The following COL10A1 variants were observed in gnomAD, a reference collection of about 807,000 sequenced individuals.
The protein encoded by COL10A1 is collagen alpha-1(X) chain.
In COL10A1, 10 loss-of-function variants were observed where a neutral mutation model predicts 18.2. That is an observed-to-expected ratio of 0.55 (90% CI 0.34 to 0.93). COL10A1 has a LOEUF of 0.93. COL10A1 is among the 40% of genes least tolerant of loss of function. COL10A1 has a pLI of 0.02. For missense variants in COL10A1, 897 were observed against 853.5 expected, an observed-to-expected ratio of 1.05 and a Z score of -0.64; for synonymous variants, 330 against 316.6, an observed-to-expected ratio of 1.04 and a Z score of -0.45.
chr6:116,140,849 A>G (rs548391821), intron 1 of COL10A1, among the ~76,000 whole-genome samples: 12 of 152,230 alleles, frequency 7.9e-5, no homozygotes, highest in Admixed American at 3.9e-4. Flanking sequence ...GTAGTTTACA[A>G]TGGTGTGAGT....
chr6:116,158,531 C>T (rs923470308), intron 1 of COL10A1: 8 of 152,190 alleles, frequency 5.3e-5, no homozygotes, highest in African/African-American at 1.9e-4. Flanking sequence ...TAAATAGTCA[C>T]AGCCAGTATT....
intron 2 of COL10A1, among the ~76,000 whole-genome samples, chr6:116,122,627 G>C (rs1779165493): frequency 6.6e-6 from 1 of 152,132 alleles, no homozygotes; most frequent in Non-Finnish European, 1.5e-5. Context: ...GAGTTCACTT[G>C]ACCTGATAAA....
chr6:116,163,577 G>T (rs1780396040), upstream of COL10A1, among the ~76,000 whole-genome samples: 1 of 151,622 alleles, frequency 6.6e-6, no homozygotes, highest in African/African-American at 2.4e-5. Flanking sequence ...CCAACTTTTG[G>T]CTTTGTTGAT....
chr6:116,167,379 A>G, the COL10A1 span, among the ~76,000 whole-genome samples: 1 of 151,746 alleles, frequency 6.6e-6, no homozygotes, highest in African/African-American at 2.4e-5. Context: ...CTGCCGGCTA[A>G]TTTTTTGTAT....
chr6:116,201,419 G>A, the COL10A1 span, among the ~76,000 whole-genome samples: 2 of 151,958 alleles, frequency 1.3e-5, no homozygotes, highest in Admixed American at 1.3e-4. Flanking sequence ...AATCACTCCA[G>A]TATATAGAGT....
the COL10A1 span, among the ~76,000 whole-genome samples, chr6:116,193,773 A>G: frequency 1.3e-5 from 2 of 151,872 alleles, no homozygotes; most frequent in Non-Finnish European, 2.9e-5. Context: ...TGTTAAAAAT[A>G]AAAAAAGAGG....
At position 116,120,033 on chromosome 6, in the gene COL10A1, G is replaced by T; in HGVS notation, c.*40C>A. The T allele has an allele frequency of 6.5e-7, 1 of 1,538,414 alleles. No individual in the cohort carries two copies. The highest frequency in any genetic ancestry group is 8.9e-7 in the Non-Finnish European group (1 of 1,120,392). On this transcript the variant is annotated 3_prime_UTR_variant, in exon 3 of 3. Coordinates refer to ENST00000651968, the MANE Select transcript of COL10A1 (RefSeq NM_000493.4). ...GTAGGGTGGGGTAGAGTTAGAGAATGCTTTTTCTAGCACAAGATTTAGATT... is the reference window on the plus strand; with the variant it reads ...GTAGGGTGGGGTAGAGTTAGAGAATTCTTTTTCTAGCACAAGATTTAGATT...
chr6:116,121,357 G>A lies in COL10A1; in HGVS notation c.759C>T (p.Gly253=), dbSNP rs371463385. Residue 253 remains glycine, a synonymous_variant, in exon 3 of 3, where the codon GGC becomes GGT. Transcript: ENST00000651968. ...MGPIGPPGPQ[G]PPGERGPEGI... is the part of the protein sequence containing the mutation. ...CTTCTGGCCCTCGTTCCCCAGGAGGGCCTTGGGGACCTGGTGGGCCAATTG... is the reference window on the plus strand; with the variant it reads ...CTTCTGGCCCTCGTTCCCCAGGAGGACCTTGGGGACCTGGTGGGCCAATTG... The A allele has an allele frequency of 5.4e-5, 87 of 1,613,936 alleles. No individual in the cohort carries two copies. The highest frequency in any genetic ancestry group is 1.7e-4 in the Admixed American group (10 of 60,004).
chr6:116,152,571 G>A (rs1780072011), intron 1 of COL10A1, among the ~76,000 whole-genome samples: 1 of 152,082 alleles, frequency 6.6e-6, no homozygotes, highest in African/African-American at 2.4e-5. Flanking sequence ...TATCTCACAT[G>A]GGACTTTCAT....
chr6:116,135,270 T>G (rs1378420582), intron 1 of COL10A1, among the ~76,000 whole-genome samples: 1 of 152,162 alleles, frequency 6.6e-6, no homozygotes, highest in Non-Finnish European at 1.5e-5. Flanking sequence ...ATAAATATTT[T>G]AGAACATTCA....
At chr6:116,209,853 A>G in the COL10A1 span, among the ~76,000 whole-genome samples, 2 of 152,016 alleles carry the variant, frequency 1.3e-5, no homozygotes, top group Non-Finnish European at 2.9e-5. Context: ...CATACCATTT[A>G]AAGCATTTGA....
chr6:116,135,423 T>G (rs1056001954), intron 1 of COL10A1, among the ~76,000 whole-genome samples: 6 of 151,776 alleles, frequency 4.0e-5, no homozygotes, highest in African/African-American at 1.5e-4. Flanking sequence ...CCCCCCCACC[T>G]TTTTATTTAA....
chr6:116,216,629 AT>A, the COL10A1 span, among the ~76,000 whole-genome samples: 1 of 151,902 alleles, frequency 6.6e-6, no homozygotes, highest in Admixed American at 6.6e-5. Flanking sequence ...CAATCTAGAT[AT>A]TCTAGATTTA....
At chr6:116,191,503 A>C in the COL10A1 span, among the ~76,000 whole-genome samples, 23 of 152,176 alleles carry the variant, frequency 1.5e-4, no homozygotes, top group Middle Eastern at 3.4e-3. Flanking sequence ...TGATAGATGA[A>C]ATAGCCTTCA....
chr6:116,125,489 G>A lies in COL10A1; in HGVS notation c.4C>T (p.Leu2=), dbSNP rs1424140575. The A allele has an allele frequency of 1.2e-6, 2 of 1,613,326 alleles. No individual in the cohort carries two copies. Among genetic ancestry groups the A allele is most frequent in the Non-Finnish European group, 8.5e-7 (1 of 1,179,596 alleles). Residue 2 remains leucine, a synonymous_variant, in exon 2 of 3, where the codon CTG becomes TTG. Coordinates refer to ENST00000651968, the MANE Select transcript of COL10A1 (RefSeq NM_000493.4). ...AGCAGCAAAAAGGGTATTTGTGGCA[G>A]CATATTCTCAGATGGATTCTGAAAA... The part of the protein sequence containing the change: M[L]PQIPFLLLVS...
the COL10A1 span, among the ~76,000 whole-genome samples, chr6:116,179,729 G>A: frequency 6.6e-6 from 1 of 152,218 alleles, no homozygotes; most frequent in South Asian, 2.1e-4. Context: ...ATAATTATAA[G>A]ATTCTGGTTT....
the COL10A1 span, among the ~76,000 whole-genome samples, chr6:116,209,691 G>T: frequency 6.6e-6 from 1 of 151,654 alleles, no homozygotes; most frequent in African/African-American, 2.4e-5. Flanking sequence ...CGTTTATTTG[G>T]GGTTTTTTTT....
At chr6:116,154,943 A>T (rs1780147081) in intron 1 of COL10A1, among the ~76,000 whole-genome samples, 1 of 152,214 alleles carries the variant, frequency 6.6e-6, no homozygotes. Flanking sequence ...TAAAAAACAA[A>T]CCATAAATAA....
At chr6:116,147,418 G>A (rs1051704027) in intron 1 of COL10A1, among the ~76,000 whole-genome samples, 2 of 151,202 alleles carry the variant, frequency 1.3e-5, no homozygotes, top group African/African-American at 4.9e-5. Flanking sequence ...CTCCAACCTG[G>A]GCAACAGAGC....
Sources: allele counts gnomAD v4.1 joint callset (sites outside exome capture counted in the v4.1 genomes callset), GRCh38; gene constraint gnomAD v4.1.1; transcripts MANE v1.5; gene names NCBI Gene and HGNC (gene_info 2026-07-23, HGNC 2026-07-21).